The following CP variants were observed in gnomAD, a reference collection of about 807,000 sequenced individuals.
CP encodes the protein ceruloplasmin.
A neutral mutation model predicts 122.4 loss-of-function variants in CP; 64 were observed. That is an observed-to-expected ratio of 0.52 (90% CI 0.43 to 0.64). The LOEUF (loss-of-function observed/expected upper bound fraction) is 0.64, where lower values mean the gene tolerates loss of function less well. Among genes scored for constraint, CP ranks in the 30% least tolerant of loss-of-function variants. The pLI, the probability that CP is intolerant of heterozygous loss-of-function variation, is 0.00. For missense variants in CP, 1,167 were observed against 1,284.4 expected, an observed-to-expected ratio of 0.91 and a Z score of 1.40; for synonymous variants, 440 against 436.4, an observed-to-expected ratio of 1.01 and a Z score of -0.10.
chr3:149,162,584 A>G (rs991445422), exon 6 of CP: 1 of 1,255,340 alleles, frequency 8.0e-7, no homozygotes, highest in Non-Finnish European at 1.2e-6. Context: ...CTAATGGTAA[A>G]TTATTGATTG....
rs1349363928 is a variant in CP, at chr3:149,180,808, CTT to C, written c.2555-1148_2555-1147del. On this transcript the variant is annotated intron_variant, in intron 14 of 18. Coordinates refer to ENST00000264613, the MANE Select transcript of CP (RefSeq NM_000096.4). ...AAGCTGCAAAATAACATTTTCTTCT[CTT>C]TTCCACACCCCTTTACAACCTGCTC... 2.0e-5 allele frequency among the ~76,000 whole-genome samples: 3 copies of C among 152,298 alleles called. No individual in the cohort carries two copies. The East Asian group carries it at 5.8e-4, about 29-fold the overall frequency.
At chr3:149,214,902 A>T (rs1728355888) in intron 1 of CP, among the ~76,000 whole-genome samples, 1 of 152,216 alleles carries the variant, frequency 6.6e-6, no homozygotes, top group Admixed American at 6.5e-5. Flanking sequence ...GTGCAATTTC[A>T]GTTAGGTACA....
chr3:149,189,426 C>T (rs1368769172), intron 9 of CP, among the ~76,000 whole-genome samples: 1 of 150,304 alleles, frequency 6.7e-6, no homozygotes, highest in Non-Finnish European at 1.5e-5. Context: ...TGATGGCGGG[C>T]TCCTGTAGTC....
rs1725640851 is a variant in CP at position 149,179,498 on chromosome 3, TC to T, written c.2661+57del. 4 of 1,282,126 alleles carry T rather than the reference TC, an allele frequency of 3.1e-6. No homozygotes were observed. The East Asian group carries it at 7.0e-5, about 22-fold the overall frequency. 79.4% of individuals were successfully genotyped at this position (1,282,126 alleles called of 1,614,324 possible). The stretch of plus-strand genomic sequence containing the variant: ...CCACAGGAAAACACTAACCTTGTCT[TC>T]CTTCAATTGTGTGTCTATTTTGGGA... On this transcript the variant is annotated intron_variant, in intron 15 of 18. Coordinates refer to ENST00000264613, the MANE Select transcript of CP (RefSeq NM_000096.4).
At chr3:149,209,985 T>C (rs1370821078) in intron 3 of CP, among the ~76,000 whole-genome samples, 182 bp downstream of exon 3, 1 of 152,144 alleles carries the variant, frequency 6.6e-6, no homozygotes, top group African/African-American at 2.4e-5. Context: ...TAGGAATGCT[T>C]GTTCTATTTA....
chr3:149,165,472 T>C (rs770628189), intron 5 of CP, among the ~76,000 whole-genome samples: 2 of 134,794 alleles, frequency 1.5e-5, no homozygotes, highest in Admixed American at 1.5e-4. Flanking sequence ...ATAGTCTGCC[T>C]AAACTTTTAT....
At chr3:149,214,988 C>G (rs916954908) in intron 1 of CP, among the ~76,000 whole-genome samples, 5 of 152,316 alleles carry the variant, frequency 3.3e-5, no homozygotes, top group Non-Finnish European at 7.3e-5. Context: ...ACCAATCAAT[C>G]TCACAGAGAC....
intron 12 of CP, 34 bp downstream of exon 12, chr3:149,185,204 CT>C (rs1295532622): frequency 6.3e-7 from 1 of 1,598,702 alleles, no homozygotes; most frequent in South Asian, 1.1e-5. Flanking sequence ...CCTAAAATTA[CT>C]GCTGAAATTG....
intron 9 of CP, among the ~76,000 whole-genome samples, chr3:149,189,185 T>G (rs994138584): frequency 6.6e-6 from 1 of 152,158 alleles, no homozygotes; most frequent in Non-Finnish European, 1.5e-5. Flanking sequence ...AAAAGCTTCC[T>G]GAAAACAAGA....
chr3:149,169,353 G>A (rs947052061), downstream of CP, among the ~76,000 whole-genome samples: 1 of 152,142 alleles, frequency 6.6e-6, no homozygotes, highest in Non-Finnish European at 1.5e-5. Flanking sequence ...CTAAGTGTCC[G>A]AGAGCAACCC....
downstream of CP, chr3:149,170,413 A>G (rs1437158687): frequency 6.6e-6 from 1 of 152,240 alleles, no homozygotes; most frequent in African/African-American, 2.4e-5. Flanking sequence ...CAAGCTAGTT[A>G]GTAGTTGCTG....
At chr3:149,220,342 T>C (rs960709552) in intron 1 of CP, among the ~76,000 whole-genome samples, 2 of 152,272 alleles carry the variant, frequency 1.3e-5, no homozygotes, top group South Asian at 4.1e-4. Context: ...TTTTAATGTG[T>C]CTGACTTTTT....
At position 149,199,941 on chromosome 3, in the gene CP, CTG is replaced by C. The variant is rs983354449; in HGVS notation, c.1349-79_1349-78del. Reference sequence around the variant, plus strand: ...TGTATAAGATAGTTATCTTCTTTGACTGTGTTCTCTGGCAAGAACTACTAGGA... The same window carrying C: ...TGTATAAGATAGTTATCTTCTTTGACTGTTCTCTGGCAAGAACTACTAGGA... On this transcript the variant is annotated intron_variant, in intron 7 of 18. Coordinates refer to ENST00000264613, the MANE Select transcript of CP (RefSeq NM_000096.4). 9.3e-5 allele frequency: 136 copies of C among 1,467,998 alleles called. No homozygotes were observed. In the African/African-American group the frequency reaches 1.6e-3, roughly 17 times the overall value. The allele number at this position is 1,467,998 out of a possible 1,614,324, so 90.9% of individuals were successfully genotyped here. A position where few individuals can be genotyped will look rare whatever the true frequency, so the allele number is the denominator to read the frequency against.
chr3:149,206,458 A>G, intron 5 of CP, 119 bp from the exon 6 acceptor site: 3 of 1,157,090 alleles, frequency 2.6e-6, no homozygotes, highest in Non-Finnish European at 3.9e-6. Context: ...AGATAGCAAC[A>G]GTACTATAAA....
intron 18 of CP, 84 bp downstream of exon 18, chr3:149,176,144 AATGCTTCATATTGATGCATCAT>A: frequency 9.1e-7 from 1 of 1,104,424 alleles, no homozygotes; most frequent in Non-Finnish European, 1.4e-6. Flanking sequence ...CAGATTCACA[AATGCTTCATATTGATGCATCAT>A]ATTGGGGGAA....
chr3:149,212,616 C>T lies in CP; in HGVS notation c.229G>A (p.Asp77Asn). The T allele has an allele frequency of 6.2e-7, 1 of 1,614,038 alleles. No homozygotes were observed. Residue 77 changes from aspartate (D) to asparagine (N), a missense_variant, in exon 2 of 19, where the codon GAT becomes AAT. By Grantham distance (23) the Asp-to-Asn change is conservative. This residue lies in a region of CP where 642 missense variants were observed against 627.3 expected (regional missense o/e 1.02). Transcript: ENST00000264613. Reference sequence around the variant, plus strand: ...TCTATAGTTGTCCTAAAGGTTTCATCTGTGTACTGAAGATAAAGGGCCTTC... The same window carrying T: ...TCTATAGTTGTCCTAAAGGTTTCATTTGTGTACTGAAGATAAAGGGCCTTC... ...YKKALYLQYT[D>N]ETFRTTIEKP...
At chr3:149,179,930 G>A (rs1725669987) in intron 14 of CP, 2 of 409,462 alleles carry the variant, frequency 4.9e-6, no homozygotes. Context: ...AAAGCTAGGA[G>A]GTGTGTACTT....
chr3:149,220,360 A>T (rs1233758276), intron 1 of CP, among the ~76,000 whole-genome samples: 1 of 152,084 alleles, frequency 6.6e-6, no homozygotes, highest in African/African-American at 2.4e-5. Context: ...TTTCCTTGGA[A>T]ATAAAAACCA....
chr3:149,202,348 T>C (rs1727388131), intron 6 of CP, 107 bp from the exon 7 acceptor site: 1 of 1,388,436 alleles, frequency 7.2e-7, no homozygotes, highest in African/African-American at 1.4e-5. Context: ...TGCTTAGAGA[T>C]GAATATTATC....
Sources: allele counts gnomAD v4.1 joint callset (sites outside exome capture counted in the v4.1 genomes callset), GRCh38; gene constraint gnomAD v4.1.1; regional missense constraint gnomAD v4.1.1; transcripts MANE v1.5; gene names NCBI Gene and HGNC (gene_info 2026-07-23, HGNC 2026-07-21).